Variants in ENOX1 observed in about 807,000 individuals in gnomAD.
The protein encoded by ENOX1 is candidate growth-related and time keeping constitutive hydroquinone (NADH) oxidase.
Under a neutral mutation model 82.5 loss-of-function variants are expected in ENOX1, and 42 were observed. The observed-to-expected ratio is 0.51, with a 90% confidence interval of 0.40 to 0.66. The LOEUF (loss-of-function observed/expected upper bound fraction) is 0.66, where lower values mean the gene tolerates loss of function less well. Among genes scored for constraint, ENOX1 ranks in the 30% least tolerant of loss-of-function variants. ENOX1 has a pLI of 0.00. For synonymous variants in ENOX1, 271 were observed against 282.2 expected (o/e 0.96, Z 0.40); for missense variants, 608 against 811.6 (o/e 0.75, Z 3.05).
chr13:43,304,372 C>G (rs1413103842), intron 11 of ENOX1, among the ~76,000 whole-genome samples: 9 of 152,124 alleles, frequency 5.9e-5, no homozygotes, highest in Non-Finnish European at 1.0e-4. Context: ...TTATGGGAGA[C>G]AGAGGTTGCT....
At chr13:43,725,398 C>A (rs2088870579) in intron 1 of ENOX1, among the ~76,000 whole-genome samples, 1 of 151,894 alleles carries the variant, frequency 6.6e-6, no homozygotes, top group Non-Finnish European at 1.5e-5. Flanking sequence ...AGAATACAGG[C>A]CTCAGAGCTC....
At chr13:43,607,145 G>T (rs976895291) in intron 2 of ENOX1, among the ~76,000 whole-genome samples, 1 of 152,100 alleles carries the variant, frequency 6.6e-6, no homozygotes, top group Non-Finnish European at 1.5e-5. Context: ...TTGAAGAGAT[G>T]GATACCCCAT....
intron 2 of ENOX1, among the ~76,000 whole-genome samples, chr13:43,625,506 A>G (rs956181442): frequency 5.3e-5 from 8 of 151,958 alleles, no homozygotes; most frequent in African/African-American, 1.9e-4. Context: ...ATCGAGTTTA[A>G]GAAATCCCAC....
intron 15 of ENOX1, among the ~76,000 whole-genome samples, chr13:43,229,572 C>G (rs1169814745): frequency 6.6e-6 from 1 of 152,038 alleles, no homozygotes; most frequent in Non-Finnish European, 1.5e-5. Flanking sequence ...GGCAGGAAAC[C>G]AAAAGAGTGG....
chr13:43,369,582 T>C (rs574951370), intron 5 of ENOX1, among the ~76,000 whole-genome samples: 9 of 152,350 alleles, frequency 5.9e-5, no homozygotes, highest in African/African-American at 1.9e-4. Context: ...ACACGTCTTG[T>C]CTGTCTGCAG....
chr13:43,360,089 CTTTCA>C, intron 6 of ENOX1, 32 bp from the exon 7 acceptor site: 1 of 1,598,582 alleles, frequency 6.3e-7, no homozygotes. Flanking sequence ...AAAGTTTTAT[CTTTCA>C]TTTATTTGCT....
In ENOX1 at chr13:43,326,433, G is replaced by T. The variant is rs771063708; in HGVS notation, c.1129C>A (p.Arg377=). 1.2e-6 allele frequency: 2 copies of T among 1,613,984 alleles called. No individual in the cohort carries two copies. Among genetic ancestry groups the T allele is most frequent in the Non-Finnish European group, 1.7e-6 (2 of 1,179,880 alleles). The change falls in exon 10 of 17, where the codon CGA becomes AGA. Residue 377 remains arginine, a synonymous_variant. Coordinates refer to ENST00000690772, the MANE Select transcript of ENOX1 (RefSeq NM_001347969.2). ...AAATCACCAACCTCAGAATGCTTTC[G>T]CCAAATGTCTATGTTCTTGCGCTGG... The part of the protein sequence containing the change: ...KAQRKNIDIW[R]KHSEELRNAQ...
At chr13:43,374,255 T>C (rs1437863417) in intron 5 of ENOX1, among the ~76,000 whole-genome samples, 2 of 151,128 alleles carry the variant, frequency 1.3e-5, no homozygotes, top group East Asian at 1.9e-4. Flanking sequence ...TTTTCTTTTT[T>C]TTTTTTTGGA....
In ENOX1 at chr13:43,427,240, C is replaced by T. The variant is rs537274432; in HGVS notation, c.-74-14252G>A. 3.3e-5 allele frequency among the ~76,000 whole-genome samples: 5 copies of T among 152,266 alleles called. No individual in the cohort carries two copies. In the South Asian group the frequency reaches 6.2e-4, roughly 19 times the overall value. ...AGCCAACACACTCCCCAGATGGAAC[C>T]GCTGGGAAAATAGCTCCCTATACAG... On this transcript the variant is annotated intron_variant, in intron 3 of 16. Coordinates refer to ENST00000690772, the MANE Select transcript of ENOX1 (RefSeq NM_001347969.2).
intron 7 of ENOX1, among the ~76,000 whole-genome samples, chr13:43,357,162 G>A (rs965054988): frequency 2.0e-5 from 3 of 152,130 alleles, no homozygotes; most frequent in African/African-American, 7.2e-5. Flanking sequence ...CAGCTGCTGG[G>A]GGCTGCCAGA....
chr13:43,355,924 A>C lies in ENOX1; in HGVS notation c.818T>G (p.Leu273Arg). 3 of 1,612,108 alleles carry C rather than the reference A, an allele frequency of 1.9e-6. No individual in the cohort carries two copies. Among genetic ancestry groups the C allele is most frequent in the Non-Finnish European group, 2.5e-6 (3 of 1,178,912 alleles). The change falls in exon 8 of 17, where the codon CTG becomes CGG. Residue 273 changes from leucine to arginine, a missense_variant. By Grantham distance (102) the Leu-to-Arg change is moderately radical (BLOSUM62 -2). Coordinates refer to ENST00000690772, the MANE Select transcript of ENOX1 (RefSeq NM_001347969.2). ...CCAGCGTGGGTGGCCCATACCTTTC[A>C]GCTTTTCAGCCAGCAGAGCGGCTTC... ...EHEAALLAEKLKDDSKFSEAI... is the reference protein window; with the variant it reads ...EHEAALLAEKRKDDSKFSEAI...
chr13:43,555,857 TA>T (rs749313398), intron 2 of ENOX1, among the ~76,000 whole-genome samples: 1 of 152,214 alleles, frequency 6.6e-6, no homozygotes, highest in Non-Finnish European at 1.5e-5. Flanking sequence ...TCGCAAGTTG[TA>T]AATATGTATG....
intron 11 of ENOX1, among the ~76,000 whole-genome samples, chr13:43,310,978 T>TTTTTTAAAATGTTA: frequency 6.6e-6 from 1 of 151,766 alleles, no homozygotes; most frequent in African/African-American, 2.4e-5. Flanking sequence ...TGAAAGAACA[T>TTTTTTAAAATGTTA]CACCTTCTTC....
intron 14 of ENOX1, among the ~76,000 whole-genome samples, chr13:43,244,468 G>C (rs1403007793): frequency 6.6e-6 from 1 of 152,158 alleles, no homozygotes; most frequent in Non-Finnish European, 1.5e-5. Context: ...TTCAAAAATA[G>C]TGGATATTTT....
rs1224572266 is a variant in ENOX1 at position 43,668,067 on chromosome 13, G to A, written c.-284-523C>T. ...TTTCTCTCAGGAAATTTGTTGTTCT[G>A]CAAACTATAAAGTGCACCTAGATAT... On this transcript the variant is annotated intron_variant, in intron 1 of 16. Coordinates refer to ENST00000690772, the MANE Select transcript of ENOX1 (RefSeq NM_001347969.2). 2.6e-5 allele frequency among the ~76,000 whole-genome samples: 4 copies of A among 152,134 alleles called. No homozygotes were observed. The East Asian group carries it at 7.7e-4, about 29-fold the overall frequency.
chr13:43,632,424 T>C (rs2083256057), intron 2 of ENOX1, among the ~76,000 whole-genome samples: 1 of 151,812 alleles, frequency 6.6e-6, no homozygotes, highest in South Asian at 2.1e-4. Flanking sequence ...CTTATAAGAT[T>C]ATAATAATGT....
intron 16 of ENOX1, among the ~76,000 whole-genome samples, chr13:43,218,031 C>G (rs2041581403): frequency 6.6e-6 from 1 of 152,184 alleles, no homozygotes; most frequent in African/African-American, 2.4e-5. Context: ...CCAAAAACCA[C>G]TTTACAGATG....
chr13:43,216,120 C>G (rs904174138), intron 16 of ENOX1, among the ~76,000 whole-genome samples: 10 of 152,142 alleles, frequency 6.6e-5, no homozygotes, highest in African/African-American at 1.2e-4. Flanking sequence ...ATCGCTTGAA[C>G]CTGGGAGGCG....
rs537405931 is a variant in ENOX1, at chr13:43,630,719, C to CA, written c.-219+36759dup. 1.1e-3 allele frequency among the ~76,000 whole-genome samples: 164 copies of CA among 151,476 alleles called. 1 individual carries two copies. The highest frequency in any genetic ancestry group is 3.1e-3 in the African/African-American group (130 of 41,332). On this transcript the variant is annotated intron_variant, in intron 2 of 16. Coordinates refer to ENST00000690772, the MANE Select transcript of ENOX1 (RefSeq NM_001347969.2). ...TTTACTTATACTAGAATATTTCATA[C>CA]AAAAAATACATAAAAATGGAACTCC...
Sources: gnomAD v4.1 joint callset for allele counts (sites outside exome capture counted in the v4.1 genomes callset) on GRCh38, gnomAD v4.1.1 for gene constraint, MANE v1.5 for transcripts, NCBI Gene and HGNC (gene_info 2026-07-23, HGNC 2026-07-21) for gene names.